Variants in SCHIP1 observed in about 807,000 individuals in gnomAD.
SCHIP1 encodes schwannomin-interacting protein 1.
SCHIP1 carries 8 observed loss-of-function variants against 29.7 expected under a neutral mutation model. That is an observed-to-expected ratio of 0.27 (90% confidence interval 0.16 to 0.49). The LOEUF is 0.49. Among genes scored for constraint, SCHIP1 ranks in the 20% least tolerant of loss-of-function variants. The pLI is 0.99. For synonymous variants in SCHIP1, 76 were observed against 94.9 expected (o/e 0.80, Z 1.16); for missense variants, 193 against 294.6 (o/e 0.66, Z 2.52).
At chr3:159,502,651 A>G in the SCHIP1 span, among the ~76,000 whole-genome samples, 1 of 106,072 alleles carries the variant, frequency 9.4e-6, no homozygotes, top group East Asian at 2.7e-4. Context: ...CACTCCCCCC[A>G]CCCCACAACA....
the SCHIP1 span, among the ~76,000 whole-genome samples, chr3:159,468,775 A>AT: frequency 2.5e-4 from 31 of 125,570 alleles, no homozygotes; most frequent in Middle Eastern, 3.8e-3. Flanking sequence ...ATATATATAT[A>AT]TATTTTTTTT....
At chr3:159,350,107 ATATT>A in the SCHIP1 span, among the ~76,000 whole-genome samples, 7 of 152,118 alleles carry the variant, frequency 4.6e-5, no homozygotes, top group African/African-American at 9.7e-5. Context: ...TCAATAGCTG[ATATT>A]TATTAAGCAC....
intron 1 of SCHIP1, chr3:159,853,440 G>A (rs1368574474): frequency 5.7e-6 from 4 of 697,898 alleles, no homozygotes; most frequent in Non-Finnish European, 7.8e-6. Flanking sequence ...ATTGGATATG[G>A]AGGGGAATTA....
the SCHIP1 span, among the ~76,000 whole-genome samples, chr3:159,326,684 C>T: frequency 6.6e-6 from 1 of 152,128 alleles, no homozygotes; most frequent in East Asian, 1.9e-4. Flanking sequence ...CAAACCTCCC[C>T]TATGGTCCTA....
At chr3:159,344,180 G>C in the SCHIP1 span, among the ~76,000 whole-genome samples, 31 of 152,158 alleles carry the variant, frequency 2.0e-4, no homozygotes, top group African/African-American at 7.2e-4. Context: ...AATTAGCCAG[G>C]CATGATGGCG....
chr3:159,421,066 C>T, the SCHIP1 span, among the ~76,000 whole-genome samples: 6 of 152,174 alleles, frequency 3.9e-5, no homozygotes, highest in Admixed American at 3.3e-4. Flanking sequence ...GCAGTAAGAC[C>T]TGAGACCATG....
At chr3:159,495,707 C>T in the SCHIP1 span, among the ~76,000 whole-genome samples, 1 of 152,122 alleles carries the variant, frequency 6.6e-6, no homozygotes, top group Admixed American at 6.5e-5. Context: ...GATTCAATGC[C>T]ATCCCTATCA....
the SCHIP1 span, among the ~76,000 whole-genome samples, chr3:159,592,201 T>C: frequency 2.0e-5 from 3 of 152,100 alleles, no homozygotes; most frequent in African/African-American, 7.2e-5. Context: ...TTATCCCTCA[T>C]TTCCCATTCT....
chr3:159,278,024 C>A, the SCHIP1 span, among the ~76,000 whole-genome samples: 1 of 152,028 alleles, frequency 6.6e-6, no homozygotes, highest in Non-Finnish European at 1.5e-5. Context: ...ATAAAAGATG[C>A]TATAGAAGGG....
chr3:159,800,675 C>G, the SCHIP1 span, among the ~76,000 whole-genome samples: 1 of 149,810 alleles, frequency 6.7e-6, no homozygotes, highest in Non-Finnish European at 1.5e-5. Flanking sequence ...CATGCCAGAT[C>G]TTTCTTTTGT....
At chr3:159,761,510 C>A in the SCHIP1 span, among the ~76,000 whole-genome samples, 1 of 152,206 alleles carries the variant, frequency 6.6e-6, no homozygotes, top group Non-Finnish European at 1.5e-5. Context: ...AAATCATCTC[C>A]CTATCCTGCT....
At chr3:159,680,697 A>AC in the SCHIP1 span, among the ~76,000 whole-genome samples, 3 of 6,592 alleles carry the variant, frequency 4.6e-4, no homozygotes, top group Non-Finnish European at 8.0e-4. Flanking sequence ...GTATATATAT[A>AC]ATATATATTA....
chr3:159,427,053 C>T, the SCHIP1 span, among the ~76,000 whole-genome samples: 3 of 152,110 alleles, frequency 2.0e-5, no homozygotes, highest in Admixed American at 6.5e-5. Context: ...TAAGAGCTAT[C>T]TATGACAAAC....
chr3:159,661,427 C>T, the SCHIP1 span, among the ~76,000 whole-genome samples: 1 of 152,182 alleles, frequency 6.6e-6, no homozygotes, highest in Non-Finnish European at 1.5e-5. Context: ...TGAGCCCCTA[C>T]CATGTGCCAA....
the SCHIP1 span, among the ~76,000 whole-genome samples, chr3:159,366,868 A>G: frequency 6.6e-6 from 1 of 152,168 alleles, no homozygotes; most frequent in Non-Finnish European, 1.5e-5. Context: ...TTTATTTTTT[A>G]TTTAACAAAT....
At chr3:159,555,264 CTT>C in the SCHIP1 span, among the ~76,000 whole-genome samples, 2 of 152,072 alleles carry the variant, frequency 1.3e-5, no homozygotes, top group Non-Finnish European at 2.9e-5. Context: ...GTTAATGAAA[CTT>C]AGAATATGTG....
At chr3:159,749,381 G>T in the SCHIP1 span, among the ~76,000 whole-genome samples, 20 of 152,016 alleles carry the variant, frequency 1.3e-4, no homozygotes, top group East Asian at 3.3e-3. Flanking sequence ...AAAAGAAGAA[G>T]CAACAGCAGC....
the SCHIP1 span, among the ~76,000 whole-genome samples, chr3:159,654,692 G>T: frequency 1.3e-5 from 2 of 151,560 alleles, no homozygotes; most frequent in African/African-American, 4.9e-5. Context: ...AGTCAGTAGG[G>T]GCCCATGGGG....
the SCHIP1 span, among the ~76,000 whole-genome samples, chr3:159,574,323 G>A: frequency 6.6e-6 from 1 of 152,166 alleles, no homozygotes; most frequent in African/African-American, 2.4e-5. Context: ...TGTTGATGTT[G>A]ATGCTATTCC....
Sources: allele counts gnomAD v4.1 joint callset (sites outside exome capture counted in the v4.1 genomes callset), GRCh38; gene constraint gnomAD v4.1.1; transcripts MANE v1.5; gene names NCBI Gene and HGNC (gene_info 2026-07-23, HGNC 2026-07-21).